Variants in ODAPH observed in about 807,000 individuals in gnomAD.
ODAPH encodes the protein amelogenesis imperfecta type IIA4.
A neutral mutation model predicts 2.8 loss-of-function variants in ODAPH; 2 were observed. The observed-to-expected ratio is 0.72, with a 90% CI of 0.30 to 2.28. The LOEUF is 2.28. Ranked by LOEUF, ODAPH falls within the 30% of genes most tolerant of loss-of-function variation. The pLI, the probability that ODAPH is intolerant of heterozygous loss-of-function variation, is 0.13. For missense variants in ODAPH, 159 were observed against 163.3 expected (o/e 0.97, Z 0.14); for synonymous variants, 75 against 60.3 (o/e 1.24, Z -1.13).
chr4:75,557,271 C>A (rs962798146), intron 1 of ODAPH, among the ~76,000 whole-genome samples: 2 of 152,184 alleles, frequency 1.3e-5, no homozygotes, highest in African/African-American at 4.8e-5. Flanking sequence ...GTGAACCGCT[C>A]TTCAGGAGGC....
rs188865785 is a variant in ODAPH, at chr4:75,561,057, A to G, written c.68-3057A>G. On this transcript the variant is annotated intron_variant, in intron 1 of 1. Transcript: ENST00000311623. ...ACGGTGAAACCTCGTCTCTACTAAAAGTATTTTAAAAAAAGAATTAGCCGG... is the reference window on the plus strand; with the variant it reads ...ACGGTGAAACCTCGTCTCTACTAAAGGTATTTTAAAAAAAGAATTAGCCGG... 1.1e-4 allele frequency among the ~76,000 whole-genome samples: 16 copies of G among 152,014 alleles called. 1 individual carries two copies. The East Asian group carries it at 2.3e-3, about 22-fold the overall frequency.
chr4:75,565,503 T>C (rs1727778116), downstream of ODAPH: 1 of 152,212 alleles, frequency 6.6e-6, no homozygotes, highest in Admixed American at 6.5e-5. Flanking sequence ...CTGGTACCTC[T>C]AGAACTCCAC....
chr4:75,562,250 C>G (rs997402376), intron 1 of ODAPH, among the ~76,000 whole-genome samples: 7 of 152,056 alleles, frequency 4.6e-5, no homozygotes, highest in Non-Finnish European at 7.4e-5. Context: ...TCCAATACAG[C>G]CAAGAAACCT....
intron 1 of ODAPH, among the ~76,000 whole-genome samples, chr4:75,561,223 C>CAAAA (rs35040152): frequency 0.034 from 2,119 of 62,402 alleles, 125 homozygotes; most frequent in Non-Finnish European, 0.049. Context: ...AACTCAATCT[C>CAAAA]AAAAAAAAAA....
chr4:75,556,901 C>T (rs374357131), intron 1 of ODAPH, among the ~76,000 whole-genome samples: 8 of 152,110 alleles, frequency 5.3e-5, no homozygotes, highest in East Asian at 1.9e-4. Flanking sequence ...ATGCTGTTTA[C>T]GGAAGATGGA....
intron 1 of ODAPH, among the ~76,000 whole-genome samples, chr4:75,557,788 G>C (rs774671339): frequency 8.5e-5 from 13 of 152,172 alleles, no homozygotes; most frequent in Non-Finnish European, 1.8e-4. Flanking sequence ...CACACCCTGG[G>C]TCTGCCCGAC....
chr4:75,563,977 C>T (rs532617971), intron 1 of ODAPH, 137 bp from the exon 2 acceptor site: 9 of 732,884 alleles, frequency 1.2e-5, no homozygotes, highest in Non-Finnish European at 2.0e-5. Context: ...TTTCATTGAA[C>T]GTTGGCAGTT....
Position 75,564,371 on chromosome 4 carries a change from C to A in ODAPH, c.325C>A (p.Arg109Ser). The change falls in exon 2 of 2, where the codon CGT becomes AGT. Residue 109 changes from arginine to serine, a missense_variant. By Grantham distance (110) the Arg-to-Ser change is moderately radical. Transcript: ENST00000311623. ...FPFQPFYWPH[R>S]YLTYRYFPRR... The stretch of plus-strand genomic sequence containing the variant: ...ATTCCAGCCATTTTATTGGCCACAC[C>A]GTTACCTTACTTATAGGTATTTCCC... 1 of 1,614,114 alleles carries A rather than the reference C, an allele frequency of 6.2e-7. No individual in the cohort carries two copies. The highest frequency in any genetic ancestry group is 1.3e-5 in the African/African-American group (1 of 75,018).
intron 1 of ODAPH, among the ~76,000 whole-genome samples, chr4:75,563,021 T>G (rs1266795259): frequency 7.3e-4 from 80 of 109,062 alleles, no homozygotes; most frequent in East Asian, 2.2e-3. Context: ...TTTTTTTTTT[T>G]TTTTTTTTTT....
chr4:75,564,161 G>A lies in ODAPH; in HGVS notation c.115G>A (p.Asp39Asn). The A allele has an allele frequency of 6.2e-7, 1 of 1,614,172 alleles. No individual in the cohort carries two copies. Among genetic ancestry groups the A allele is most frequent in the Non-Finnish European group, 8.5e-7 (1 of 1,180,044 alleles). ...TCCTGGAGATTCACAAAATAATGCG[G>A]ACGCTACCGACTGCCAGATCTTTAC... ...TPPGDSQNNADATDCQIFTLT... is the reference protein window; with the variant it reads ...TPPGDSQNNANATDCQIFTLT... The change falls in exon 2 of 2, where the codon GAC (aspartate) becomes AAC (asparagine). Residue 39 changes from aspartate (D) to asparagine (N), a missense_variant. By Grantham distance (23) the Asp-to-Asn change is conservative. Transcript: ENST00000311623.
downstream of ODAPH, chr4:75,564,934 GAGT>G: frequency 5.1e-6 from 1 of 195,012 alleles, no homozygotes; most frequent in East Asian, 1.5e-4. Context: ...AAGTTATGAG[GAGT>G]CTGACTGTAG....
chr4:75,559,090 C>T (rs142494197), intron 1 of ODAPH, among the ~76,000 whole-genome samples: 4 of 152,300 alleles, frequency 2.6e-5, no homozygotes, highest in African/African-American at 7.2e-5. Context: ...CATTCAAGGT[C>T]GGCCTGACCA....
downstream of ODAPH, chr4:75,564,864 G>A (rs1727753528): frequency 3.4e-6 from 1 of 291,332 alleles, no homozygotes; most frequent in East Asian, 8.9e-5. Context: ...AAAACATACA[G>A]AGCAAGGTGC....
intron 1 of ODAPH, among the ~76,000 whole-genome samples, chr4:75,559,793 T>C (rs76899224): frequency 0.044 from 6,657 of 152,278 alleles, 457 homozygotes; most frequent in African/African-American, 0.14. Flanking sequence ...TCAATTCAAT[T>C]GTACTGGAGG....
downstream of ODAPH, chr4:75,565,242 C>A (rs148871417): frequency 0.033 from 5,018 of 152,260 alleles, 169 homozygotes; most frequent in African/African-American, 0.082. Flanking sequence ...AGGTGATCCA[C>A]CCACCTCGGC....
At chr4:75,560,376 A>G (rs937261043) in intron 1 of ODAPH, among the ~76,000 whole-genome samples, 9 of 152,250 alleles carry the variant, frequency 5.9e-5, no homozygotes, top group African/African-American at 2.2e-4. Context: ...GATAAGGAAC[A>G]GAGAAGAACA....
At chr4:75,565,202 T>G (rs1419663054), downstream of ODAPH, 2 of 152,530 alleles carry the variant, frequency 1.3e-5, no homozygotes, top group South Asian at 2.1e-4. Flanking sequence ...TTCACCATGT[T>G]GGCCAGGCTG....
At chr4:75,559,059 C>T (rs1727460439) in intron 1 of ODAPH, among the ~76,000 whole-genome samples, 1 of 152,112 alleles carries the variant, frequency 6.6e-6, no homozygotes. Flanking sequence ...CACTGAACTC[C>T]ACAAAATATA....
intron 1 of ODAPH, among the ~76,000 whole-genome samples, chr4:75,556,388 A>G (rs563424168): frequency 4.6e-5 from 7 of 152,328 alleles, no homozygotes; most frequent in Admixed American, 4.6e-4. Context: ...CAGATTCCTC[A>G]TATGTGAAGT....
Sources: gnomAD v4.1 joint callset for allele counts (sites outside exome capture counted in the v4.1 genomes callset) on GRCh38, gnomAD v4.1.1 for gene constraint, MANE v1.5 for transcripts, NCBI Gene and HGNC (gene_info 2026-07-23, HGNC 2026-07-21) for gene names.